ARB2A: variants seen among roughly 807,000 people sequenced by gnomAD.
ARB2A encodes ARB2 cotranscriptional regulator A.
the ARB2A span, chr5:93,740,995 T>G: frequency 6.2e-6 from 10 of 1,613,812 alleles, no homozygotes; most frequent in Non-Finnish European, 7.6e-6. Flanking sequence ...TGCTTCCACT[T>G]CCTTCAGCCA....
At chr5:93,899,021 A>G in the ARB2A span, among the ~76,000 whole-genome samples, 4 of 152,118 alleles carry the variant, frequency 2.6e-5, no homozygotes, top group Non-Finnish European at 4.4e-5. Flanking sequence ...GACCAATATA[A>G]CATGCTACAT....
At chr5:93,852,415 T>A in the ARB2A span, among the ~76,000 whole-genome samples, 1 of 152,212 alleles carries the variant, frequency 6.6e-6, no homozygotes, top group Non-Finnish European at 1.5e-5. Context: ...GCCTGTTCAC[T>A]CTGATGGTAG....
chr5:93,621,366 C>T, the ARB2A span, among the ~76,000 whole-genome samples: 3 of 152,054 alleles, frequency 2.0e-5, no homozygotes, highest in Non-Finnish European at 4.4e-5. Flanking sequence ...GGTCACTTGC[C>T]CCCTGGCTCA....
chr5:93,922,719 G>A, the ARB2A span, among the ~76,000 whole-genome samples: 1 of 149,598 alleles, frequency 6.7e-6, no homozygotes, highest in South Asian at 2.1e-4. Flanking sequence ...ACCAACTTGG[G>A]AGATGAATGT....
the ARB2A span, among the ~76,000 whole-genome samples, chr5:94,028,083 A>G: frequency 6.6e-6 from 1 of 152,228 alleles, no homozygotes; most frequent in Admixed American, 6.5e-5. Flanking sequence ...AAGAAAAAAC[A>G]GTTTGAGGTT....
chr5:94,086,151 G>C, the ARB2A span, among the ~76,000 whole-genome samples: 1 of 152,178 alleles, frequency 6.6e-6, no homozygotes, highest in Non-Finnish European at 1.5e-5. Context: ...AAGCATTACA[G>C]ATATGGAGGC....
the ARB2A span, among the ~76,000 whole-genome samples, chr5:93,812,292 A>T: frequency 6.6e-6 from 1 of 152,084 alleles, no homozygotes; most frequent in Admixed American, 6.6e-5. Flanking sequence ...TTGGAACAGG[A>T]TTTTTTTCCT....
At chr5:93,865,024 C>T in the ARB2A span, among the ~76,000 whole-genome samples, 1 of 152,182 alleles carries the variant, frequency 6.6e-6, no homozygotes, top group Non-Finnish European at 1.5e-5. Flanking sequence ...ACATGTGCTA[C>T]TAAACAGGAT....
the ARB2A span, among the ~76,000 whole-genome samples, chr5:94,000,653 T>A: frequency 6.6e-6 from 1 of 152,120 alleles, no homozygotes; most frequent in Non-Finnish European, 1.5e-5. Flanking sequence ...TTTCAAATTT[T>A]AATAAGGTCC....
the ARB2A span, among the ~76,000 whole-genome samples, chr5:93,884,403 T>C: frequency 6.6e-6 from 1 of 151,708 alleles, no homozygotes; most frequent in East Asian, 1.9e-4. Flanking sequence ...TTATATATCA[T>C]CAAAGAAGCA....
chr5:93,915,936 T>C, the ARB2A span, among the ~76,000 whole-genome samples: 2 of 152,074 alleles, frequency 1.3e-5, no homozygotes, highest in Non-Finnish European at 2.9e-5. Flanking sequence ...TATTTTCATT[T>C]AATATTTGTT....
the ARB2A span, among the ~76,000 whole-genome samples, chr5:93,832,325 A>G: frequency 1.3e-5 from 2 of 152,204 alleles, no homozygotes; most frequent in African/African-American, 2.4e-5. Context: ...TATGGCTTTC[A>G]GGATTCCATC....
chr5:94,103,907 C>A, the ARB2A span, among the ~76,000 whole-genome samples: 1 of 151,160 alleles, frequency 6.6e-6, no homozygotes, highest in South Asian at 2.1e-4. Flanking sequence ...TCCTGAATGA[C>A]TTTGGGTAAA....
chr5:93,696,303 C>T, the ARB2A span, among the ~76,000 whole-genome samples: 2 of 152,118 alleles, frequency 1.3e-5, no homozygotes, highest in Non-Finnish European at 2.9e-5. Context: ...TCCTTTTTTG[C>T]TATTACAAAT....
the ARB2A span, chr5:93,911,046 C>A: frequency 6.6e-6 from 1 of 151,662 alleles, no homozygotes; most frequent in Non-Finnish European, 1.5e-5. Context: ...CCTGAATCCT[C>A]TCATTGTTGT....
At chr5:93,728,914 A>G in the ARB2A span, among the ~76,000 whole-genome samples, 2 of 152,050 alleles carry the variant, frequency 1.3e-5, no homozygotes, top group African/African-American at 4.8e-5. Context: ...TTAAGAAAAT[A>G]TTTCTTCTCA....
At chr5:93,880,789 C>T in the ARB2A span, among the ~76,000 whole-genome samples, 5 of 151,658 alleles carry the variant, frequency 3.3e-5, no homozygotes, top group African/African-American at 1.2e-4. Context: ...TCTAATGATC[C>T]CATACCGTTA....
the ARB2A span, among the ~76,000 whole-genome samples, chr5:94,042,314 C>A: frequency 1.4e-3 from 142 of 103,074 alleles, no homozygotes; most frequent in African/African-American, 5.0e-3. Context: ...AAAAGATCAG[C>A]TTTTTTTTTT....
At chr5:94,011,936 C>CAAAAAAAAAAAAAAAA in the ARB2A span, among the ~76,000 whole-genome samples, 3 of 30,190 alleles carry the variant, frequency 9.9e-5, no homozygotes, top group African/African-American at 2.5e-4. Context: ...AAAGGGTAGA[C>CAAAAAAAAAAAAAAAA]AAAAAAAAAA....
Sources: allele counts gnomAD v4.1 joint callset (sites outside exome capture counted in the v4.1 genomes callset), GRCh38; gene constraint gnomAD v4.1.1; transcripts MANE v1.5; gene names NCBI Gene and HGNC (gene_info 2026-07-23, HGNC 2026-07-21).